Variants in OPCML observed in about 807,000 individuals in gnomAD.
OPCML encodes opioid binding protein/cell adhesion molecule like.
Under a neutral mutation model 37.8 loss-of-function variants are expected in OPCML, and 13 were observed. The ratio of observed to expected loss-of-function variants is 0.34; its 90% CI spans 0.22 to 0.55. OPCML has a LOEUF of 0.55. Among genes scored for constraint, OPCML ranks in the 20% least tolerant of loss-of-function variants. OPCML has a pLI of 0.91. For synonymous variants in OPCML, 176 were observed against 168.8 expected (o/e 1.04, Z -0.33); for missense variants, 341 against 435.6 (o/e 0.78, Z 1.93).
chr11:133,007,493 T>G, intron 1 of OPCML: 3 of 985,478 alleles, frequency 3.0e-6, no homozygotes, highest in Non-Finnish European at 3.6e-6. Flanking sequence ...TTAATGAACC[T>G]GTCCTTAGAC....
intron 1 of OPCML, among the ~76,000 whole-genome samples, chr11:133,244,231 A>G (rs750340539): frequency 9.9e-5 from 15 of 152,134 alleles, no homozygotes; most frequent in Non-Finnish European, 1.9e-4. Context: ...TAGCTGAGTT[A>G]CTTAATCTTT....
intron 1 of OPCML, chr11:133,532,056 A>G (rs1948617003): frequency 2.9e-6 from 1 of 348,210 alleles, no homozygotes; most frequent in African/African-American, 2.2e-5. Flanking sequence ...ACAGAGAGCA[A>G]ATCCCGTGCT....
Position 132,721,982 on chromosome 11 carries a change from G to A in OPCML, c.147-64663C>T, listed in dbSNP as rs551167094. Among the ~76,000 whole-genome samples, 36 of 110,526 alleles carry A rather than the reference G, an allele frequency of 3.3e-4. No individual in the cohort carries two copies. In the East Asian group the frequency reaches 0.01, roughly 31 times the overall value. 72.5% of individuals were successfully genotyped at this position (110,526 alleles called of 152,430 possible). On this transcript the variant is annotated intron_variant, in intron 2 of 7. Coordinates refer to ENST00000524381, the MANE Select transcript of OPCML (RefSeq NM_001012393.5). ...TTTTTTTTTTTTTTTTTGAGATGGA[G>A]TCTTGCTCTGTTGCCCAGGCTGGAG...
intron 4 of OPCML, among the ~76,000 whole-genome samples, chr11:132,474,639 G>A (rs530992093): frequency 1.4e-4 from 22 of 152,186 alleles, no homozygotes; most frequent in South Asian, 4.2e-4. Context: ...TGGCCACTGC[G>A]GAAAACTTCT....
At chr11:132,730,008 C>CTT (rs11389495) in intron 2 of OPCML, among the ~76,000 whole-genome samples, 27,572 of 88,410 alleles carry the variant, frequency 0.31, 6,032 homozygotes, top group Non-Finnish European at 0.35. Context: ...TTCTATGTGA[C>CTT]TTTTTTTTTT....
At chr11:132,942,776 G>T in intron 2 of OPCML, 150 bp downstream of exon 2, 1 of 981,050 alleles carries the variant, frequency 1.0e-6, no homozygotes, top group Non-Finnish European at 1.5e-6. Context: ...CACGGCAGTC[G>T]GCACGGCAGC....
chr11:132,763,914 GA>G (rs1946348505), intron 2 of OPCML, among the ~76,000 whole-genome samples: 1 of 152,226 alleles, frequency 6.6e-6, no homozygotes, highest in Non-Finnish European at 1.5e-5. Context: ...AGAACTCAAT[GA>G]TAAATAAATC....
chr11:133,532,238 G>C, intron 1 of OPCML, 26 bp downstream of exon 1: 1 of 1,612,300 alleles, frequency 6.2e-7, no homozygotes, highest in Non-Finnish European at 8.5e-7. Flanking sequence ...CCCAGGGAGA[G>C]AAAACACCCT....
intron 2 of OPCML, among the ~76,000 whole-genome samples, chr11:132,723,166 G>T (rs1944737687): frequency 1.3e-5 from 2 of 152,164 alleles, no homozygotes; most frequent in Non-Finnish European, 2.9e-5. Context: ...TGTTTCAAGG[G>T]TATGTGCCAC....
chr11:133,189,819 A>AAAAC (rs977101139), intron 1 of OPCML, among the ~76,000 whole-genome samples: 2 of 152,218 alleles, frequency 1.3e-5, no homozygotes, highest in Non-Finnish European at 2.9e-5. Context: ...TAATTGAAAC[A>AAAAC]AAACAAACAA....
At chr11:133,265,082 T>C (rs1330987271) in intron 1 of OPCML, among the ~76,000 whole-genome samples, 1 of 151,904 alleles carries the variant, frequency 6.6e-6, no homozygotes, top group African/African-American at 2.4e-5. Context: ...TGACACAGGG[T>C]AACTTTCTGG....
intron 1 of OPCML, among the ~76,000 whole-genome samples, chr11:133,354,469 A>G (rs2136700756): frequency 6.6e-6 from 1 of 152,278 alleles, no homozygotes; most frequent in South Asian, 2.1e-4. Context: ...TACAGATTCA[A>G]TACAGAGGCA....
At chr11:133,220,384 A>G (rs1939765833) in intron 1 of OPCML, among the ~76,000 whole-genome samples, 1 of 152,212 alleles carries the variant, frequency 6.6e-6, no homozygotes, top group African/African-American at 2.4e-5. Context: ...ATGAGGGCAC[A>G]GGTTCTCATG....
At chr11:132,854,282 G>A (rs1272050676) in intron 2 of OPCML, among the ~76,000 whole-genome samples, 3 of 152,214 alleles carry the variant, frequency 2.0e-5, no homozygotes, top group Non-Finnish European at 4.4e-5. Flanking sequence ...GAGTTGGGGT[G>A]CACCATCCTC....
In OPCML at chr11:132,740,060, C is replaced by A. The variant is rs1251901544; in HGVS notation, c.147-82741G>T. On this transcript the variant is annotated intron_variant, in intron 2 of 7. Transcript: ENST00000524381. Reference sequence around the variant, plus strand: ...ATCAGTATTTGAATCTAACCTGTCACTTCTAAATGTGCATATTGCTTAGAA... The same window carrying A: ...ATCAGTATTTGAATCTAACCTGTCAATTCTAAATGTGCATATTGCTTAGAA... 2.0e-5 allele frequency among the ~76,000 whole-genome samples: 3 copies of A among 152,166 alleles called. No homozygotes were observed. In the East Asian group the frequency reaches 5.8e-4, roughly 29 times the overall value.
chr11:133,333,303 T>C (rs1360042203), intron 1 of OPCML, among the ~76,000 whole-genome samples: 2 of 151,888 alleles, frequency 1.3e-5, no homozygotes, highest in African/African-American at 4.8e-5. Context: ...AGGTGATCCA[T>C]CCACCTTGGC....
chr11:133,251,263 G>C (rs1275923140), intron 1 of OPCML, among the ~76,000 whole-genome samples: 1 of 152,076 alleles, frequency 6.6e-6, no homozygotes, highest in Admixed American at 6.5e-5. Context: ...ATTCAAACGG[G>C]AGCCATTTTA....
Position 133,141,104 on chromosome 11 carries a change from A to C in OPCML, c.62-198094T>G, listed in dbSNP as rs112788686. On this transcript the variant is annotated intron_variant, in intron 1 of 7. Transcript: ENST00000524381. The stretch of plus-strand genomic sequence containing the variant: ...GAAGAAGAAGAAGAAGGAGAAGAAG[A>C]AGCAGCTGAATGCCAAAGTGTGTGG... 4.5e-4 allele frequency among the ~76,000 whole-genome samples: 61 copies of C among 135,294 alleles called. 21 individuals are homozygous for C. The highest frequency in any genetic ancestry group is 9.2e-4 in the African/African-American group (34 of 36,972). The allele number at this position is 135,294 out of a possible 152,430, so 88.8% of individuals were successfully genotyped here.
chr11:132,987,863 A>C (rs1591883415), intron 1 of OPCML, among the ~76,000 whole-genome samples: 1 of 152,196 alleles, frequency 6.6e-6, no homozygotes, highest in Admixed American at 6.5e-5. Flanking sequence ...TTCTTCTCAT[A>C]GTCCACTCAG....
Sources: gnomAD v4.1 joint callset for allele counts (sites outside exome capture counted in the v4.1 genomes callset) on GRCh38, gnomAD v4.1.1 for gene constraint, MANE v1.5 for transcripts, NCBI Gene and HGNC (gene_info 2026-07-23, HGNC 2026-07-21) for gene names.